Variants in KAZN observed in about 807,000 individuals in gnomAD.
KAZN encodes the protein kazrin, periplakin interacting protein.
Under a neutral mutation model 87.4 loss-of-function variants are expected in KAZN, and 40 were observed. The ratio of observed to expected loss-of-function variants is 0.46; its 90% CI spans 0.36 to 0.60. The LOEUF (loss-of-function observed/expected upper bound fraction) is 0.60, where lower values mean the gene tolerates loss of function less well. KAZN is among the 20% of genes least tolerant of loss of function. KAZN has a pLI of 0.00. For missense variants in KAZN, 898 were observed against 1,073.9 expected (o/e 0.84, Z 2.29); for synonymous variants, 466 against 458.3 (o/e 1.02, Z -0.22).
intron 2 of KAZN, among the ~76,000 whole-genome samples, chr1:14,197,230 A>G (rs569472052): frequency 6.6e-6 from 1 of 152,188 alleles, no homozygotes; most frequent in African/African-American, 2.4e-5. Flanking sequence ...TTGTTTTTAA[A>G]CAGAGCATAT....
chr1:15,013,053 C>T (rs1343665370), intron 2 of KAZN, among the ~76,000 whole-genome samples: 1 of 152,216 alleles, frequency 6.6e-6, no homozygotes, highest in Non-Finnish European at 1.5e-5. Context: ...TTCAGTTTAG[C>T]TAAGCTCAGG....
At chr1:14,897,983 A>G (rs1655447461) in intron 1 of KAZN, among the ~76,000 whole-genome samples, 1 of 152,232 alleles carries the variant, frequency 6.6e-6, no homozygotes, top group African/African-American at 2.4e-5. Context: ...CACCCATGGT[A>G]TCCAGTACAA....
chr1:15,056,392 G>C lies in KAZN; in HGVS notation c.916+112G>C, dbSNP rs576884236. 9.2e-7 allele frequency: 1 copy of C among 1,087,662 alleles called. No individual in the cohort carries two copies. Among genetic ancestry groups the C allele is most frequent in the Non-Finnish European group, 1.3e-6 (1 of 774,594 alleles). The allele number at this position is 1,087,662 out of a possible 1,614,324, so 67.4% of individuals were successfully genotyped here. A position where few individuals can be genotyped will look rare whatever the true frequency, so the allele number is the denominator to read the frequency against. The stretch of plus-strand genomic sequence containing the variant: ...GTTCGTACTACAGCAGCTTGGGGGC[G>C]TGGGACAGAGACCTTGGGCTCATGT... On this transcript the variant is annotated intron_variant, in intron 5 of 14. Transcript: ENST00000376030. This position sits in a 1 kb window ranked among gnomAD's most constrained non-coding sequence, Gnocchi z 5.4.
intron 2 of KAZN, among the ~76,000 whole-genome samples, chr1:14,582,913 C>A (rs1675640396): frequency 6.6e-6 from 1 of 152,088 alleles, no homozygotes; most frequent in African/African-American, 2.4e-5. Context: ...CTGTCTCAGC[C>A]ACTAGACCAT....
Position 14,418,123 on chromosome 1 carries a change from G to A in KAZN, c.250-180860G>A, listed in dbSNP as rs968940404. Among the ~76,000 whole-genome samples the A allele has an allele frequency of 5.4e-5, 8 of 147,542 alleles. No homozygotes were observed. The East Asian group carries it at 8.4e-4, about 15-fold the overall frequency. On this transcript the variant is annotated intron_variant, in intron 2 of 16. Coordinates refer to the KAZN transcript ENST00000636203. ...CATACAGAGTTACCAGTGGAACCAC[G>A]GCATATCCTGTGGGTCCAATGGAGG... is the stretch of plus-strand genomic sequence containing the variant.
intron 1 of KAZN, among the ~76,000 whole-genome samples, chr1:14,140,662 C>T (rs1313384786): frequency 6.6e-6 from 1 of 152,196 alleles, no homozygotes; most frequent in Admixed American, 6.5e-5. Flanking sequence ...ACCTGCTTTG[C>T]CTGTAGTTCT....
chr1:14,190,974 A>G (rs1376953171), intron 2 of KAZN, among the ~76,000 whole-genome samples: 2 of 152,204 alleles, frequency 1.3e-5, no homozygotes, highest in Non-Finnish European at 2.9e-5. Context: ...TATAACTGAA[A>G]GGGGAGCTGG....
chr1:14,540,767 G>C (rs1406769437), intron 2 of KAZN, among the ~76,000 whole-genome samples: 1 of 152,188 alleles, frequency 6.6e-6, no homozygotes, highest in Admixed American at 6.5e-5. Flanking sequence ...TTCCTGACAC[G>C]TTGGAAAATA....
intron 1 of KAZN, among the ~76,000 whole-genome samples, chr1:14,036,530 T>C (rs1641567054): frequency 6.6e-6 from 1 of 152,006 alleles, no homozygotes; most frequent in Non-Finnish European, 1.5e-5. Context: ...ATAGGCACAT[T>C]GGCTTGTCCA....
chr1:14,595,904 G>C (rs918602435), upstream of KAZN, among the ~76,000 whole-genome samples: 2 of 151,918 alleles, frequency 1.3e-5, no homozygotes, highest in African/African-American at 4.8e-5. Context: ...AAAATCCTAG[G>C]AGGCACCCCA....
intron 1 of KAZN, among the ~76,000 whole-genome samples, chr1:14,113,628 C>G (rs1433511749): frequency 3.3e-5 from 5 of 152,148 alleles, no homozygotes; most frequent in Admixed American, 6.5e-5. Flanking sequence ...CCAAATTGCA[C>G]AGCTAAGAAA....
At chr1:14,703,690 C>A (rs1227313349) in intron 1 of KAZN, among the ~76,000 whole-genome samples, 1 of 152,120 alleles carries the variant, frequency 6.6e-6, no homozygotes, top group African/African-American at 2.4e-5. Context: ...CCAGCCTGGA[C>A]CACATAGTGA....
At chr1:13,969,875 T>C (rs1642076136) in intron 1 of KAZN, among the ~76,000 whole-genome samples, 1 of 152,200 alleles carries the variant, frequency 6.6e-6, no homozygotes, top group Non-Finnish European at 1.5e-5. Flanking sequence ...TATAGAGACC[T>C]ATAACAGCTA....
intron 1 of KAZN, among the ~76,000 whole-genome samples, chr1:14,879,801 A>G (rs1653151830): frequency 6.6e-6 from 1 of 152,182 alleles, no homozygotes; most frequent in East Asian, 1.9e-4. Context: ...GTCGGGTTCA[A>G]TCTTGTCATC....
At chr1:14,222,740 T>C (rs1647133750) in intron 2 of KAZN, among the ~76,000 whole-genome samples, 1 of 152,226 alleles carries the variant, frequency 6.6e-6, no homozygotes, top group African/African-American at 2.4e-5. Flanking sequence ...GTAAGGCTAT[T>C]TATTTCAAAA....
At chr1:13,950,249 T>C (rs1461116383) in intron 1 of KAZN, among the ~76,000 whole-genome samples, 1 of 145,602 alleles carries the variant, frequency 6.9e-6, no homozygotes, top group Non-Finnish European at 1.5e-5. Context: ...TTCCTTGGTG[T>C]CCCTTATGCC....
At chr1:14,542,979 A>C (rs920745362) in intron 2 of KAZN, among the ~76,000 whole-genome samples, 8 of 150,868 alleles carry the variant, frequency 5.3e-5, no homozygotes, top group Non-Finnish European at 1.2e-4. Context: ...TGGGAAAGGA[A>C]AATAGCATTG....
intron 2 of KAZN, among the ~76,000 whole-genome samples, chr1:14,229,731 C>T (rs1280797420): frequency 6.6e-6 from 1 of 152,232 alleles, no homozygotes; most frequent in African/African-American, 2.4e-5. Flanking sequence ...TGAGGGACAC[C>T]AGCCTTCATT....
At chr1:14,514,417 T>TAA (rs1397903071) in intron 2 of KAZN, among the ~76,000 whole-genome samples, 210 of 10,688 alleles carry the variant, frequency 0.02, 50 homozygotes, top group Non-Finnish European at 0.024. Flanking sequence ...AATATATAAA[T>TAA]ATATATATAA....
Sources: gnomAD v4.1 joint callset for allele counts (sites outside exome capture counted in the v4.1 genomes callset) on GRCh38, gnomAD v4.1.1 for gene constraint, Gnocchi (gnomAD v3.1) non-coding constraint, MANE v1.5 for transcripts, NCBI Gene and HGNC (gene_info 2026-07-23, HGNC 2026-07-21) for gene names.